Variants in PARP8 observed in about 807,000 individuals in gnomAD.
The protein encoded by PARP8 is protein mono-ADP-ribosyltransferase PARP8.
PARP8 carries 51 observed loss-of-function variants against 124.1 expected under a neutral mutation model. The observed-to-expected ratio is 0.41, with a 90% CI of 0.33 to 0.52. PARP8 has a LOEUF of 0.52. PARP8 is among the 20% of genes least tolerant of loss of function. The pLI, the probability that PARP8 is intolerant of heterozygous loss-of-function variation, is 0.21. For missense variants in PARP8, 860 were observed against 1,018.9 expected (o/e 0.84, Z 2.12); for synonymous variants, 391 against 361.5 (o/e 1.08, Z -0.93).
intron 2 of PARP8, among the ~76,000 whole-genome samples, chr5:50,725,248 T>A (rs1047644350): frequency 1.3e-5 from 2 of 152,024 alleles, no homozygotes; most frequent in African/African-American, 4.8e-5. Flanking sequence ...TAATATATTT[T>A]ATTTAACATT....
chr5:50,796,086 A>G (rs1742516556), intron 12 of PARP8, among the ~76,000 whole-genome samples: 1 of 152,228 alleles, frequency 6.6e-6, no homozygotes, highest in African/African-American at 2.4e-5. Context: ...GATTGGCATG[A>G]TAGCCAAGTT....
chr5:50,832,581 C>A (rs1747101820), intron 22 of PARP8, among the ~76,000 whole-genome samples, 200 bp from the exon 23 acceptor site: 1 of 151,988 alleles, frequency 6.6e-6, no homozygotes, highest in South Asian at 2.1e-4. Flanking sequence ...GCTTTCAATG[C>A]AAAAAAATAA....
intron 2 of PARP8, among the ~76,000 whole-genome samples, chr5:50,740,560 C>T (rs1181399327): frequency 6.6e-6 from 1 of 152,096 alleles, no homozygotes; most frequent in Non-Finnish European, 1.5e-5. Context: ...CATGGCGGCT[C>T]ATGTCTGTAA....
In PARP8 at chr5:50,666,903, C is replaced by CCCT. The variant is rs151280834; in HGVS notation, c.-178_-176dup. 0.78 allele frequency: 835,148 copies of CCCT among 1,071,352 alleles called. 318,410 individuals are homozygous for CCCT. The highest frequency in any genetic ancestry group is 0.88 in the East Asian group (13,930 of 15,832). The allele number at this position is 1,071,352 out of a possible 1,614,324, so 66.4% of individuals were successfully genotyped here. A position where few individuals can be genotyped will look rare whatever the true frequency, so the allele number is the denominator to read the frequency against. ...ATCTGGGAATGCAAAGCCGACCTCC[C>CCCT]CCTCCTCCTCCTCCTCCCCCTCCTC... On this transcript the variant is annotated 5_prime_UTR_variant, in exon 1 of 26. Coordinates refer to ENST00000281631, the MANE Select transcript of PARP8 (RefSeq NM_024615.4).
chr5:50,775,548 G>A lies in PARP8; in HGVS notation c.519-2521G>A, dbSNP rs541741751. On this transcript the variant is annotated intron_variant, in intron 7 of 25. Transcript: ENST00000281631. ...CCAACCTCGGCAACAGAGGGAAACCGTGGAAAGAGAGAGAAGAGAGAATAG... is the reference window on the plus strand; with the variant it reads ...CCAACCTCGGCAACAGAGGGAAACCATGGAAAGAGAGAGAAGAGAGAATAG... Among the ~76,000 whole-genome samples, 178 of 152,272 alleles carry A rather than the reference G, an allele frequency of 1.2e-3. 1 individual carries two copies. Among genetic ancestry groups the A allele is most frequent in the African/African-American group, 4.0e-3 (168 of 41,560 alleles).
At chr5:50,739,064 G>C in intron 2 of PARP8, 1 of 702,508 alleles carries the variant, frequency 1.4e-6, no homozygotes, top group South Asian at 1.5e-5. Flanking sequence ...TCACATCTAG[G>C]AGGAGCAAGA....
chr5:50,707,071 AG>A (rs1417264021), intron 2 of PARP8, among the ~76,000 whole-genome samples: 2 of 152,076 alleles, frequency 1.3e-5, no homozygotes, highest in Admixed American at 1.3e-4. Flanking sequence ...ATATTTATGT[AG>A]CTCACTAAAT....
chr5:50,773,919 G>A (rs1761890427), intron 7 of PARP8, among the ~76,000 whole-genome samples: 1 of 151,332 alleles, frequency 6.6e-6, no homozygotes. Context: ...GATAATAATG[G>A]AGAGAAGGTC....
intron 14 of PARP8, among the ~76,000 whole-genome samples, chr5:50,802,645 C>T (rs1743362191): frequency 6.6e-6 from 1 of 152,128 alleles, no homozygotes; most frequent in Admixed American, 6.5e-5. Flanking sequence ...TTTGCTCCTA[C>T]ATAGTTTCAA....
intron 7 of PARP8, among the ~76,000 whole-genome samples, chr5:50,766,345 C>G (rs1434341547): frequency 6.6e-6 from 1 of 152,130 alleles, no homozygotes; most frequent in Non-Finnish European, 1.5e-5. Flanking sequence ...AATCATTCAA[C>G]AAAACGCATT....
At chr5:50,833,283 C>T (rs1747189095) in intron 23 of PARP8, 1 of 308,188 alleles carries the variant, frequency 3.2e-6, no homozygotes, top group Non-Finnish European at 6.4e-6. Flanking sequence ...ATGGGATGGT[C>T]AGGAAAGGAT....
At chr5:50,744,134 A>C (rs1758312565) in intron 2 of PARP8, among the ~76,000 whole-genome samples, 1 of 152,202 alleles carries the variant, frequency 6.6e-6, no homozygotes, top group Non-Finnish European at 1.5e-5. Flanking sequence ...TGGTGCATCG[A>C]AAAACTCTTT....
At chr5:50,834,108 AT>A in intron 24 of PARP8, 60 bp downstream of exon 24, 1 of 1,319,110 alleles carries the variant, frequency 7.6e-7, no homozygotes, top group Non-Finnish European at 1.1e-6. Context: ...ATAATTAAAA[AT>A]ATAAGTATAT....
At position 50,830,816 on chromosome 5, in the gene PARP8, ATGCG is replaced by A. The variant is rs543782842; in HGVS notation, c.2233+858_2233+861del. 4.3e-3 allele frequency among the ~76,000 whole-genome samples: 507 copies of A among 117,642 alleles called. 1 individual carries two copies. The highest frequency in any genetic ancestry group is 0.018 in the African/African-American group (432 of 24,446). 77.2% of individuals were successfully genotyped at this position (117,642 alleles called of 152,430 possible). On this transcript the variant is annotated intron_variant, in intron 22 of 25. Transcript: ENST00000281631. Reference sequence around the variant, plus strand: ...TGTAATTAGTTTTGCTTGTGTGCTCATGCGTGTGTGTGTGTGTGTGTGTGTGTGT... The same window carrying A: ...TGTAATTAGTTTTGCTTGTGTGCTCATGTGTGTGTGTGTGTGTGTGTGTGT...
At chr5:50,695,537 G>A (rs1369845974) in intron 2 of PARP8, among the ~76,000 whole-genome samples, 1 of 151,978 alleles carries the variant, frequency 6.6e-6, no homozygotes, top group Non-Finnish European at 1.5e-5. Context: ...TCAATAAAAG[G>A]GCAAAACAGT....
chr5:50,761,821 G>C lies in PARP8; in HGVS notation c.346G>C (p.Glu116Gln), dbSNP rs775304725. ...KSKLQKENGE[E>Q]SRQNSTVEED... ...TGTTTTCTTACTTTATTATTTTAAG[G>C]AATCAAGACAGAATAGTACAGTGGA... is the stretch of plus-strand genomic sequence containing the variant. The change falls in exon 6 of 26, where the codon GAA (glutamate) becomes CAA (glutamine). Residue 116 changes from glutamate to glutamine, a missense_variant and splice_region_variant. Transcript: ENST00000281631. 1 of 1,557,830 alleles carries C rather than the reference G, an allele frequency of 6.4e-7. No homozygotes were observed. Among genetic ancestry groups the C allele is most frequent in the East Asian group, 2.3e-5 (1 of 42,722 alleles).
At chr5:50,672,878 A>C (rs1302592173) in intron 2 of PARP8, among the ~76,000 whole-genome samples, 2 of 152,142 alleles carry the variant, frequency 1.3e-5, no homozygotes, top group East Asian at 3.9e-4. Flanking sequence ...AGGGTGAAGA[A>C]GCAATGCTAT....
At chr5:50,796,154 A>G (rs1252581473) in intron 12 of PARP8, among the ~76,000 whole-genome samples, 1 of 152,230 alleles carries the variant, frequency 6.6e-6, no homozygotes, top group African/African-American at 2.4e-5. Context: ...TATTCAAAAT[A>G]GTTGATGAAA....
chr5:50,677,632 T>G (rs1232274477), intron 2 of PARP8, among the ~76,000 whole-genome samples: 2 of 152,160 alleles, frequency 1.3e-5, no homozygotes, highest in East Asian at 3.9e-4. Flanking sequence ...TGTAATCATA[T>G]TGCTAGTTTG....
Sources: allele counts gnomAD v4.1 joint callset (sites outside exome capture counted in the v4.1 genomes callset), GRCh38; gene constraint gnomAD v4.1.1; transcripts MANE v1.5; gene names NCBI Gene and HGNC (gene_info 2026-07-23, HGNC 2026-07-21).